Variants in AJAP1 observed in about 807,000 individuals in gnomAD.
AJAP1 encodes adherens junctions associated protein 1.
AJAP1 carries 5 observed loss-of-function variants against 35.0 expected under a neutral mutation model. The ratio of observed to expected loss-of-function variants is 0.14; its 90% CI spans 0.07 to 0.30. The LOEUF (loss-of-function observed/expected upper bound fraction) is 0.30. Among genes scored for constraint, AJAP1 ranks in the 10% least tolerant of loss-of-function variants. AJAP1 has a pLI of 1.00. For missense variants in AJAP1, 586 were observed against 571.0 expected (o/e 1.03, Z -0.27); for synonymous variants, 284 against 249.3 (o/e 1.14, Z -1.31).
intron 2 of AJAP1, among the ~76,000 whole-genome samples, chr1:4,730,146 G>T (rs1040165130): frequency 1.3e-5 from 2 of 152,186 alleles, no homozygotes; most frequent in Non-Finnish European, 2.9e-5. Flanking sequence ...GCACCTCGCA[G>T]ATTCCACCCC....
intron 1 of AJAP1, among the ~76,000 whole-genome samples, chr1:4,675,878 A>G (rs1281240363): frequency 6.6e-6 from 1 of 152,186 alleles, no homozygotes; most frequent in East Asian, 1.9e-4. Flanking sequence ...ATGGATGGTG[A>G]GTGGTTTCTC....
At chr1:4,657,296 C>G (rs1001778212) in intron 1 of AJAP1, among the ~76,000 whole-genome samples, 3 of 152,084 alleles carry the variant, frequency 2.0e-5, no homozygotes, top group Non-Finnish European at 2.9e-5. Flanking sequence ...GAAGTTTGAC[C>G]TTTCGTTTTT....
At chr1:4,731,034 G>T (rs1640784926) in intron 2 of AJAP1, among the ~76,000 whole-genome samples, 1 of 152,028 alleles carries the variant, frequency 6.6e-6, no homozygotes, top group South Asian at 2.1e-4. Context: ...TTTTTGTTTT[G>T]ATTTTTTAAT....
chr1:4,679,434 G>A (rs1487999023), intron 1 of AJAP1, among the ~76,000 whole-genome samples: 1 of 152,126 alleles, frequency 6.6e-6, no homozygotes, highest in African/African-American at 2.4e-5. Flanking sequence ...TTTATTAGGG[G>A]CCTCAGATCA....
chr1:4,658,849 G>A (rs1638940193), intron 1 of AJAP1, among the ~76,000 whole-genome samples: 1 of 152,188 alleles, frequency 6.6e-6, no homozygotes, highest in Admixed American at 6.5e-5. Flanking sequence ...GCCGGGGACA[G>A]CTGTCTCTGG....
At chr1:4,707,986 T>TTGG (rs1640138653) in intron 1 of AJAP1, among the ~76,000 whole-genome samples, 1 of 150,310 alleles carries the variant, frequency 6.7e-6, no homozygotes, top group East Asian at 2.0e-4. Context: ...TTTTTTTTTT[T>TTGG]GAGACGCAGT....
At chr1:4,669,680 G>A (rs1390100087) in intron 1 of AJAP1, among the ~76,000 whole-genome samples, 5 of 152,150 alleles carry the variant, frequency 3.3e-5, no homozygotes, top group Non-Finnish European at 7.3e-5. Flanking sequence ...GTAACCTTTT[G>A]TGTCTGGCTT....
At chr1:4,666,833 GGT>G (rs1639137425) in intron 1 of AJAP1, among the ~76,000 whole-genome samples, 1 of 150,564 alleles carries the variant, frequency 6.6e-6, no homozygotes. Flanking sequence ...ATCACGGAGG[GGT>G]TGCAGAGAGG....
rs118062290 is a variant in AJAP1, at chr1:4,665,223, C to T, written c.29+9769C>T. On this transcript the variant is annotated intron_variant, in intron 1 of 5. Coordinates refer to ENST00000378191, the MANE Select transcript of AJAP1 (RefSeq NM_018836.4). Reference sequence around the variant, plus strand: ...AGGATTCTTTAGGGAGCCAATTATGCGAGACAAGAGTAAGCATGTTTATTT... The same window carrying T: ...AGGATTCTTTAGGGAGCCAATTATGTGAGACAAGAGTAAGCATGTTTATTT... Among the ~76,000 whole-genome samples, 889 of 152,202 alleles carry T rather than the reference C, an allele frequency of 5.8e-3. 30 individuals carry two copies. The South Asian group carries it at 0.071, about 12-fold the overall frequency.
In AJAP1 at chr1:4,784,051, C is replaced by T. The variant is rs1363108096; in HGVS notation, c.*1566C>T. On this transcript the variant is annotated 3_prime_UTR_variant, in exon 6 of 6. Coordinates refer to ENST00000378191, the MANE Select transcript of AJAP1 (RefSeq NM_018836.4). ...CGTTCTCCCGTCAGCTTCCATTGGC[C>T]GATGGATGTTTCTGTTTTGTCACCG... 1 of 152,172 alleles carries T rather than the reference C, an allele frequency of 6.6e-6. No individual in the cohort carries two copies. The highest frequency in any genetic ancestry group is 2.4e-5 in the African/African-American group (1 of 41,436). 9.4% of individuals were successfully genotyped at this position (152,172 alleles called of 1,614,324 possible). A position where few individuals can be genotyped will look rare whatever the true frequency, so the allele number is the denominator to read the frequency against.
At position 4,791,350 on chromosome 1, in the gene AJAP1, G is replaced by C. The variant is rs149949756; in HGVS notation, c.*8865G>C. ...CATTATTTTCTCAAAAGGAACACAT[G>C]TTTACTACAAACCATTTAGAAAATA... is the stretch of plus-strand genomic sequence containing the variant. On this transcript the variant is annotated 3_prime_UTR_variant, in exon 6 of 6. Coordinates refer to ENST00000378191, the MANE Select transcript of AJAP1 (RefSeq NM_018836.4). 1 of 152,182 alleles carries C rather than the reference G, an allele frequency of 6.6e-6. No homozygotes were observed. Among genetic ancestry groups the C allele is most frequent in the African/African-American group, 2.4e-5 (1 of 41,446 alleles). The allele number at this position is 152,182 out of a possible 1,614,324, so 9.4% of individuals were successfully genotyped here.
chr1:4,681,318 G>A (rs1490177983), intron 1 of AJAP1, among the ~76,000 whole-genome samples: 1 of 152,204 alleles, frequency 6.6e-6, no homozygotes, highest in Non-Finnish European at 1.5e-5. Flanking sequence ...AATGTCAACT[G>A]GGCCACACTG....
chr1:4,694,836 G>A (rs942143300), intron 1 of AJAP1, among the ~76,000 whole-genome samples: 9 of 152,190 alleles, frequency 5.9e-5, no homozygotes, highest in Non-Finnish European at 1.3e-4. Flanking sequence ...CAGTGGAAGC[G>A]AACAGAGGAG....
intron 2 of AJAP1, among the ~76,000 whole-genome samples, chr1:4,727,287 G>A (rs984370337): frequency 7.2e-5 from 11 of 152,176 alleles, no homozygotes; most frequent in Non-Finnish European, 1.2e-4. Context: ...CTGTCCCCTC[G>A]GGATCCCAGG....
At chr1:4,770,722 A>T (rs1279607806) in intron 3 of AJAP1, among the ~76,000 whole-genome samples, 2 of 152,178 alleles carry the variant, frequency 1.3e-5, no homozygotes, top group Non-Finnish European at 2.9e-5. Flanking sequence ...TGGAAACCGC[A>T]TCAGAGCCTC....
chr1:4,732,843 G>T (rs1272588577), intron 2 of AJAP1, among the ~76,000 whole-genome samples: 1 of 152,212 alleles, frequency 6.6e-6, no homozygotes, highest in Non-Finnish European at 1.5e-5. Flanking sequence ...GTTACAGTCT[G>T]CTTCGAAAAT....
intron 1 of AJAP1, among the ~76,000 whole-genome samples, chr1:4,687,238 A>G (rs989092873): frequency 6.6e-6 from 1 of 152,194 alleles, no homozygotes; most frequent in African/African-American, 2.4e-5. Context: ...GAAAGCCACC[A>G]TGGGCACTCG....
chr1:4,774,647 G>A, intron 5 of AJAP1, 89 bp downstream of exon 5: 2 of 735,380 alleles, frequency 2.7e-6, no homozygotes, highest in East Asian at 2.6e-5. Flanking sequence ...ATCACTGGGA[G>A]CTCTTTTAGA....
intron 2 of AJAP1, among the ~76,000 whole-genome samples, chr1:4,716,918 C>A (rs1025136301): frequency 2.2e-4 from 33 of 151,886 alleles, no homozygotes; most frequent in African/African-American, 8.0e-4. Flanking sequence ...GTAGATGGCA[C>A]TAGCCAAGAA....
Sources: allele counts gnomAD v4.1 joint callset (sites outside exome capture counted in the v4.1 genomes callset), GRCh38; gene constraint gnomAD v4.1.1; transcripts MANE v1.5; gene names NCBI Gene and HGNC (gene_info 2026-07-23, HGNC 2026-07-21).